The following TMEM266 variants were observed in gnomAD, a reference collection of about 807,000 sequenced individuals.
TMEM266 encodes transmembrane protein 266.
In TMEM266, 33 loss-of-function variants were observed where a neutral mutation model predicts 50.5. The ratio of observed to expected loss-of-function variants is 0.65; its 90% CI spans 0.50 to 0.87. The LOEUF (loss-of-function observed/expected upper bound fraction) is 0.87, where lower values mean the gene tolerates loss of function less well. TMEM266 is among the 40% of genes least tolerant of loss of function. The probability of loss-of-function intolerance (pLI) is 0.00; values close to 1 mark genes in which losing one functional copy is unlikely to be tolerated. For missense variants in TMEM266, 655 were observed against 695.1 expected (o/e 0.94, Z 0.65); for synonymous variants, 310 against 292.3 (o/e 1.06, Z -0.62).
intron 1 of TMEM266, among the ~76,000 whole-genome samples, chr15:76,104,022 A>G (rs2142005509): frequency 6.6e-6 from 1 of 151,210 alleles, no homozygotes; most frequent in South Asian, 2.1e-4. Context: ...CCTGGCTAAC[A>G]TGATGAAACC....
At chr15:76,116,298 T>C (rs761786155) in intron 1 of TMEM266, among the ~76,000 whole-genome samples, 28 of 152,148 alleles carry the variant, frequency 1.8e-4, no homozygotes, top group Non-Finnish European at 3.4e-4. Context: ...GCTGGGCCGA[T>C]AAGGCTCCGT....
rs2142029420 is a variant in TMEM266, at chr15:76,134,171, A to G, written c.-93A>G. 1 of 1,390,308 alleles carries G rather than the reference A, an allele frequency of 7.2e-7. No individual in the cohort carries two copies. The highest frequency in any genetic ancestry group is 1.4e-5 in the African/African-American group (1 of 69,452). 86.1% of individuals were successfully genotyped at this position (1,390,308 alleles called of 1,614,324 possible). A position where few individuals can be genotyped will look rare whatever the true frequency, so the allele number is the denominator to read the frequency against. ...AAGTTCCTATTTTTGTTTTCAGGGC[A>G]CTATATTTGTATGTGTCTTGTAGAA... On this transcript the variant is annotated 5_prime_UTR_variant, in exon 2 of 11. Coordinates refer to ENST00000388942, the MANE Select transcript of TMEM266 (RefSeq NM_152335.3).
rs893366145 is a variant in TMEM266, at chr15:76,204,010, T to C, written c.1291T>C (p.Ser431Pro). 6.2e-7 allele frequency: 1 copy of C among 1,608,860 alleles called. No homozygotes were observed. The highest frequency in any genetic ancestry group is 8.5e-7 in the Non-Finnish European group (1 of 1,176,118). ...CGGCCCTTCTCCCCCGCCGCTGCCATCCCAGCAGCAGGTGGAGGAGGCCAC... is the reference window on the plus strand; with the variant it reads ...CGGCCCTTCTCCCCCGCCGCTGCCACCCCAGCAGCAGGTGGAGGAGGCCAC... The change falls in exon 11 of 11, where the codon TCC becomes CCC. Residue 431 changes from serine to proline, a missense_variant. This residue lies in a region of TMEM266 where 455 missense variants were observed against 401.8 expected (regional missense o/e 1.13). Coordinates refer to ENST00000388942, the MANE Select transcript of TMEM266 (RefSeq NM_152335.3).
chr15:76,102,436 TG>T (rs540642325), intron 1 of TMEM266, among the ~76,000 whole-genome samples: 28 of 152,254 alleles, frequency 1.8e-4, no homozygotes, highest in Non-Finnish European at 4.0e-4. Context: ...AGGTGACATT[TG>T]TGCAAAGACC....
Position 76,203,855 on chromosome 15 carries a change from G to A in TMEM266, c.1136G>A (p.Gly379Asp), listed in dbSNP as rs1193276787. ...CTGGACATGCCCCTCAAACTCGGCGGTAATGGCACCAGCGCCACCTCGGAG... is the reference window on the plus strand; with the variant it reads ...CTGGACATGCCCCTCAAACTCGGCGATAATGGCACCAGCGCCACCTCGGAG... The change falls in exon 11 of 11, where the codon GGT becomes GAT. Residue 379 changes from glycine to aspartate, a missense_variant. Physicochemically the swap from Gly to Asp is moderately conservative, Grantham distance 94 (BLOSUM62 -1). Transcript: ENST00000388942. 6.2e-7 allele frequency: 1 copy of A among 1,614,206 alleles called. No homozygotes were observed. Among genetic ancestry groups the A allele is most frequent in the Non-Finnish European group, 8.5e-7 (1 of 1,180,026 alleles).
rs544436998 is a variant in TMEM266, at chr15:76,105,154, A to C, written c.-96-29014A>C. 1.2e-4 allele frequency among the ~76,000 whole-genome samples: 18 copies of C among 152,278 alleles called. No individual in the cohort carries two copies. The South Asian group carries it at 3.7e-3, about 32-fold the overall frequency. The stretch of plus-strand genomic sequence containing the variant: ...CCAGCTACTCAGGAAGCTGAGACAG[A>C]AAAATCGCTTGAACCCAGGAGGCGA... On this transcript the variant is annotated intron_variant, in intron 1 of 10. Transcript: ENST00000388942.
intron 7 of TMEM266, among the ~76,000 whole-genome samples, chr15:76,172,039 C>A (rs34154477): frequency 6.6e-5 from 10 of 152,074 alleles, no homozygotes; most frequent in African/African-American, 2.4e-4. Flanking sequence ...GAGGACAGGA[C>A]GAAGAGGCCC....
chr15:76,171,400 G>C (rs569371346), intron 7 of TMEM266, among the ~76,000 whole-genome samples: 2 of 152,168 alleles, frequency 1.3e-5, no homozygotes, highest in East Asian at 1.9e-4. Context: ...CTGTGAGCCT[G>C]GGGGGGCCAG....
intron 3 of TMEM266, among the ~76,000 whole-genome samples, chr15:76,155,094 A>T (rs1193263361): frequency 6.6e-6 from 1 of 152,234 alleles, no homozygotes; most frequent in Non-Finnish European, 1.5e-5. Context: ...GTTCAGGAGC[A>T]TTATCCCTGT....
intron 1 of TMEM266, among the ~76,000 whole-genome samples, 190 bp downstream of exon 1, chr15:76,060,206 G>A (rs1387272543): frequency 1.3e-5 from 2 of 152,040 alleles, no homozygotes; most frequent in African/African-American, 4.8e-5. Context: ...GGCAGCCCAG[G>A]GCTTCAGCTC....
chr15:76,164,924 G>A (rs1178888106), intron 5 of TMEM266, among the ~76,000 whole-genome samples: 1 of 152,242 alleles, frequency 6.6e-6, no homozygotes, highest in Admixed American at 6.5e-5. Context: ...GTGATCTGGG[G>A]ATCTCCCTCT....
At chr15:76,134,350 A>G (rs760068065) in intron 2 of TMEM266, 49 bp downstream of exon 2, 2 of 1,577,404 alleles carry the variant, frequency 1.3e-6, no homozygotes, top group East Asian at 2.2e-5. Context: ...GTGGCTATAA[A>G]TCTCCCAGAA....
At chr15:76,088,168 A>C (rs2036799939) in intron 1 of TMEM266, among the ~76,000 whole-genome samples, 1 of 152,206 alleles carries the variant, frequency 6.6e-6, no homozygotes, top group Admixed American at 6.5e-5. Flanking sequence ...TCTAGTGGTT[A>C]GACCTATGCT....
At chr15:76,193,704 A>G (rs1018906657) in intron 9 of TMEM266, among the ~76,000 whole-genome samples, 1 of 152,148 alleles carries the variant, frequency 6.6e-6, no homozygotes, top group African/African-American at 2.4e-5. Flanking sequence ...CCACCTCCAC[A>G]TGGCTCTGCC....
rs572762755 is a variant in TMEM266 at position 76,155,240 on chromosome 15, C to G, written c.228-1364C>G. ...GGCTGCCACTTCAGGATGCCTAGCT[C>G]TTCCTCAGCAAGGGAGGCAGGCAGG... On this transcript the variant is annotated intron_variant, in intron 3 of 10. Transcript: ENST00000388942. 2.0e-5 allele frequency among the ~76,000 whole-genome samples: 3 copies of G among 152,350 alleles called. No homozygotes were observed. The South Asian group carries it at 6.2e-4, about 32-fold the overall frequency.
chr15:76,178,733 T>A (rs1310364364), intron 8 of TMEM266: 1 of 152,204 alleles, frequency 6.6e-6, no homozygotes, highest in Non-Finnish European at 1.5e-5. Context: ...CCTTGCATTC[T>A]GCACAGGAAA....
chr15:76,155,078 C>T (rs1451412828), intron 3 of TMEM266, among the ~76,000 whole-genome samples: 1 of 152,204 alleles, frequency 6.6e-6, no homozygotes, highest in South Asian at 2.1e-4. Context: ...CTTTAGTGAC[C>T]TGTGAGTTCA....
intron 3 of TMEM266, among the ~76,000 whole-genome samples, chr15:76,148,137 C>T (rs1448525921): frequency 5.3e-5 from 8 of 152,198 alleles, no homozygotes; most frequent in Non-Finnish European, 7.4e-5. Flanking sequence ...GGGGGTGTGT[C>T]GGGGATGTTT....
At chr15:76,117,269 T>A (rs1180126575) in intron 1 of TMEM266, among the ~76,000 whole-genome samples, 1 of 151,882 alleles carries the variant, frequency 6.6e-6, no homozygotes, top group Non-Finnish European at 1.5e-5. Context: ...ATTGACAAGC[T>A]GTTATTAAAT....
Sources: allele counts gnomAD v4.1 joint callset (sites outside exome capture counted in the v4.1 genomes callset), GRCh38; gene constraint gnomAD v4.1.1; regional missense constraint gnomAD v4.1.1; transcripts MANE v1.5; gene names NCBI Gene and HGNC (gene_info 2026-07-23, HGNC 2026-07-21).